The following LTBP1 variants were observed in gnomAD, a reference collection of about 807,000 sequenced individuals.
LTBP1 encodes latent transforming growth factor beta binding protein 1.
In LTBP1, 129 loss-of-function variants were observed where a neutral mutation model predicts 207.6. The ratio of observed to expected loss-of-function variants is 0.62; its 90% confidence interval spans 0.54 to 0.72. LTBP1 has a LOEUF of 0.72. LTBP1 is among the 30% of genes least tolerant of loss of function. The pLI is 0.00. For missense variants in LTBP1, 2,281 were observed against 2,217.2 expected, an observed-to-expected ratio of 1.03 and a Z score of -0.58; for synonymous variants, 963 against 833.7, an observed-to-expected ratio of 1.16 and a Z score of -2.67.
intron 5 of LTBP1, among the ~76,000 whole-genome samples, chr2:33,138,918 G>A (rs1252554720): frequency 5.9e-5 from 8 of 135,866 alleles, no homozygotes; most frequent in African/African-American, 1.9e-4. Flanking sequence ...GAGTGCAGTG[G>A]CGCGATCTCG....
chr2:33,085,086 C>G (rs1420255162), intron 3 of LTBP1, among the ~76,000 whole-genome samples: 5 of 152,064 alleles, frequency 3.3e-5, no homozygotes, highest in African/African-American at 1.2e-4. Context: ...GAGAGGAGAT[C>G]TTGTGAGGAT....
intron 2 of LTBP1, among the ~76,000 whole-genome samples, chr2:33,011,434 A>C (rs1687658288): frequency 6.6e-6 from 1 of 152,220 alleles, no homozygotes; most frequent in Non-Finnish European, 1.5e-5. Context: ...TAATTAAGTT[A>C]AAGTGAGGTC....
chr2:33,174,795 G>T (rs1315902711), intron 5 of LTBP1, among the ~76,000 whole-genome samples: 1 of 152,032 alleles, frequency 6.6e-6, no homozygotes, highest in Non-Finnish European at 1.5e-5. Context: ...CATGGTACTG[G>T]TACCAAAACA....
intron 2 of LTBP1, among the ~76,000 whole-genome samples, chr2:32,971,818 G>A (rs111815235): frequency 0.11 from 16,154 of 152,184 alleles, 1,084 homozygotes; most frequent in Middle Eastern, 0.16. Flanking sequence ...TGGCCTCGTA[G>A]AATGAGTTAG....
At chr2:33,011,141 C>T (rs1687623167) in intron 2 of LTBP1, among the ~76,000 whole-genome samples, 1 of 152,154 alleles carries the variant, frequency 6.6e-6, no homozygotes. Flanking sequence ...CAAGACACAA[C>T]AGGATGATTA....
chr2:33,264,255 CAA>C (rs33981203), intron 15 of LTBP1, among the ~76,000 whole-genome samples: 20,758 of 90,836 alleles, frequency 0.23, 1,350 homozygotes, highest in East Asian at 0.46. Flanking sequence ...GACTCTGTCT[CAA>C]AAAAAAAAAA....
At chr2:33,367,995 A>T (rs1329120742) in intron 31 of LTBP1, among the ~76,000 whole-genome samples, 1 of 152,014 alleles carries the variant, frequency 6.6e-6, no homozygotes, top group Admixed American at 6.5e-5. Context: ...CGGGCGGATC[A>T]TGAGGTCAGG....
At chr2:33,316,044 CCTACCAGTATTTATTATCTCCTAAAAG>C in intron 24 of LTBP1, among the ~76,000 whole-genome samples, 1 of 152,202 alleles carries the variant, frequency 6.6e-6, no homozygotes, top group East Asian at 1.9e-4. Context: ...TATTTACTTA[CCTACCAGTATTTATTATCTCCTAAAAG>C]CTAATTAAGT....
intron 19 of LTBP1, among the ~76,000 whole-genome samples, chr2:33,281,759 G>C (rs1361174469): frequency 2.6e-5 from 4 of 152,048 alleles, no homozygotes; most frequent in African/African-American, 7.2e-5. Context: ...TTTTTTATTT[G>C]ATAAGCAATT....
chr2:33,319,001 G>A lies in LTBP1; in HGVS notation c.3730+3732G>A, dbSNP rs116650486. 3.4e-3 allele frequency among the ~76,000 whole-genome samples: 525 copies of A among 152,306 alleles called. 3 individuals carry two copies. Among genetic ancestry groups the A allele is most frequent in the African/African-American group, 0.012 (502 of 41,554 alleles). ...TATAGTCCCAGCTACTCAGGGGACT[G>A]AGACGGAAGGATCGCTTGAGCCCAG... On this transcript the variant is annotated intron_variant, in intron 24 of 33. Coordinates refer to ENST00000404816, the MANE Select transcript of LTBP1 (RefSeq NM_206943.4).
rs575187458 is a variant in LTBP1 at position 33,041,323 on chromosome 2, C to T, written c.863+20117C>T. Among the ~76,000 whole-genome samples the T allele has an allele frequency of 5.5e-4, 84 of 151,630 alleles. 1 individual carries two copies. The highest frequency in any genetic ancestry group is 1.1e-3 in the Non-Finnish European group (72 of 67,964). On this transcript the variant is annotated intron_variant, in intron 3 of 33. Coordinates refer to ENST00000404816, the MANE Select transcript of LTBP1 (RefSeq NM_206943.4). Reference sequence around the variant, plus strand: ...TTTTTGAGACGGAGTCTCGCTGTGTCGCCCAGGCTGGAGTGCAGTGGCATG... The same window carrying T: ...TTTTTGAGACGGAGTCTCGCTGTGTTGCCCAGGCTGGAGTGCAGTGGCATG...
intron 3 of LTBP1, among the ~76,000 whole-genome samples, chr2:33,096,552 G>GACA (rs1253896953): frequency 6.6e-6 from 1 of 152,174 alleles, no homozygotes; most frequent in Non-Finnish European, 1.5e-5. Context: ...TGACAAGAAC[G>GACA]ACAACAGGAT....
chr2:33,311,005 T>TA (rs939282307), intron 23 of LTBP1, among the ~76,000 whole-genome samples: 3 of 152,234 alleles, frequency 2.0e-5, no homozygotes, highest in African/African-American at 7.2e-5. Flanking sequence ...AGTTACTTTT[T>TA]ACCCACTATT....
At chr2:33,007,852 G>A (rs1478656118) in intron 2 of LTBP1, among the ~76,000 whole-genome samples, 6 of 152,110 alleles carry the variant, frequency 3.9e-5, no homozygotes, top group African/African-American at 7.2e-5. Flanking sequence ...ACATATAAGC[G>A]CTCTTTGTAT....
At chr2:33,006,464 C>CCCT (rs1686886933) in intron 2 of LTBP1, among the ~76,000 whole-genome samples, 3 of 149,480 alleles carry the variant, frequency 2.0e-5, no homozygotes. Context: ...GCTCACTGCA[C>CCCT]CCTCCGCCTC....
intron 24 of LTBP1, among the ~76,000 whole-genome samples, chr2:33,328,851 A>T (rs1407852333): frequency 1.3e-5 from 2 of 152,140 alleles, no homozygotes; most frequent in Non-Finnish European, 2.9e-5. Flanking sequence ...CTGTCTTGTC[A>T]TGTGTAGTAG....
At chr2:32,983,452 G>A (rs1265347957) in intron 2 of LTBP1, among the ~76,000 whole-genome samples, 1 of 152,124 alleles carries the variant, frequency 6.6e-6, no homozygotes, top group African/African-American at 2.4e-5. Context: ...AAGACTTCGG[G>A]GGACTGTTGG....
chr2:33,252,829 C>T lies in LTBP1; in HGVS notation c.2152C>T (p.Pro718Ser), dbSNP rs865873561. 6.2e-7 allele frequency: 1 copy of T among 1,606,750 alleles called. No homozygotes were observed. Among genetic ancestry groups the T allele is most frequent in the African/African-American group, 1.3e-5 (1 of 74,842 alleles). The part of the protein sequence containing the change: ...KAWGPHCEKC[P>S]LPGTAAFKEI... ...CTGGGGCCCACACTGTGAGAAATGT[C>T]CCCTTCCAGGCACAGGTAAGACATG... The change falls in exon 11 of 34, where the codon CCC (proline) becomes TCC (serine). Residue 718 changes from proline (P) to serine (S), a missense_variant. Physicochemically the swap from Pro to Ser is moderately conservative, Grantham distance 74. This residue lies in a region of LTBP1 where 1,671 missense variants were observed against 1,634.8 expected (regional missense o/e 1.02). Transcript: ENST00000404816.
chr2:33,218,711 G>C (rs1174228335), intron 8 of LTBP1, among the ~76,000 whole-genome samples: 1 of 152,186 alleles, frequency 6.6e-6, no homozygotes, highest in Non-Finnish European at 1.5e-5. Context: ...ATAGTTTTTA[G>C]AGACAGAGGT....
Sources: gnomAD v4.1 joint callset for allele counts (sites outside exome capture counted in the v4.1 genomes callset) on GRCh38, gnomAD v4.1.1 for gene constraint, gnomAD v4.1.1 regional missense constraint, MANE v1.5 for transcripts, NCBI Gene and HGNC (gene_info 2026-07-23, HGNC 2026-07-21) for gene names.